COX6A1: variants seen among roughly 807,000 people sequenced by gnomAD.
COX6A1 encodes cytochrome c oxidase subunit 6A1, mitochondrial.
COX6A1 carries 10 observed loss-of-function variants against 11.3 expected under a neutral mutation model. That is an observed-to-expected ratio of 0.88 (90% confidence interval 0.54 to 1.50). The LOEUF (loss-of-function observed/expected upper bound fraction) is 1.50. Ranked by LOEUF, COX6A1 falls within the 40% of genes most tolerant of loss-of-function variation. COX6A1 has a pLI of 0.00. For synonymous variants in COX6A1, 81 were observed against 60.6 expected, an observed-to-expected ratio of 1.34 and a Z score of -1.57; for missense variants, 149 against 147.6, an observed-to-expected ratio of 1.01 and a Z score of -0.05.
chr12:120,439,068 A>G (rs2137031331), intron 2 of COX6A1, among the ~76,000 whole-genome samples: 1 of 152,114 alleles, frequency 6.6e-6, no homozygotes, highest in Non-Finnish European at 1.5e-5. Flanking sequence ...ACAACAAAAC[A>G]TGGGCATCTG....
chr12:120,438,777 C>A, intron 2 of COX6A1: 2 of 315,654 alleles, frequency 6.3e-6, no homozygotes, highest in Non-Finnish European at 1.1e-5. Context: ...CTCCTGCCTT[C>A]TGAGACAGTT....
chr12:120,440,265 C>T, intron 2 of COX6A1, 189 bp from the exon 3 acceptor site: 1 of 520,176 alleles, frequency 1.9e-6, no homozygotes, highest in East Asian at 3.2e-5. Context: ...GCCAGGATAA[C>T]TTTAAGGGCT....
At chr12:120,438,617 G>A (rs1044182511) in intron 2 of COX6A1, 96 bp downstream of exon 2, 7 of 1,535,194 alleles carry the variant, frequency 4.6e-6, no homozygotes, top group Non-Finnish European at 6.3e-6. Context: ...GGTGCCAGGC[G>A]TGTACAGCTT....
At chr12:120,438,992 C>A (rs573914498) in intron 2 of COX6A1, among the ~76,000 whole-genome samples, 3 of 152,144 alleles carry the variant, frequency 2.0e-5, no homozygotes, top group East Asian at 3.9e-4. Context: ...GAGCTGAGAT[C>A]GTGCCACTGC....
rs61739965 is a variant in COX6A1 at position 120,438,435 on chromosome 12, A to G, written c.160A>G (p.Met54Val). The G allele has an allele frequency of 6.1e-4, 978 of 1,614,190 alleles. 1 individual carries two copies. Among genetic ancestry groups the G allele is most frequent in the South Asian group, 1.2e-3 (108 of 91,088 alleles). Residue 54 changes from methionine (M) to valine (V), a missense_variant, in exon 2 of 3, where the codon ATG becomes GTG. Physicochemically the swap from Met to Val is conservative, Grantham distance 21. Transcript: ENST00000229379. Reference protein sequence around the residue: ...FVALPGVAVSMLNVYLKSHHG... With the variant: ...FVALPGVAVSVLNVYLKSHHG... The stretch of plus-strand genomic sequence containing the variant: ...CGCGCTCCCCGGGGTGGCAGTCAGC[A>G]TGCTGAATGTGTACCTGAAGTCGCA...
Position 120,440,575 on chromosome 12 carries a change from A to G in COX6A1, c.*38A>G, listed in dbSNP as rs1168713305. On this transcript the variant is annotated 3_prime_UTR_variant, in exon 3 of 3. Coordinates refer to ENST00000229379, the MANE Select transcript of COX6A1 (RefSeq NM_004373.4). ...CCACTACCCGGGCACCAGGGACCAC[A>G]GCACTGGTTTGGACCGTTACTCTGC... 6.8e-7 allele frequency: 1 copy of G among 1,466,220 alleles called. No homozygotes were observed. The highest frequency in any genetic ancestry group is 9.6e-7 in the Non-Finnish European group (1 of 1,045,884). 90.8% of individuals were successfully genotyped at this position (1,466,220 alleles called of 1,614,324 possible).
intron 2 of COX6A1, 98 bp downstream of exon 2, chr12:120,438,619 G>T (rs564771832): frequency 6.5e-7 from 1 of 1,527,032 alleles, no homozygotes; most frequent in African/African-American, 1.4e-5. Flanking sequence ...TGCCAGGCGT[G>T]TACAGCTTGT....
In COX6A1 at chr12:120,438,378, G is replaced by T; in HGVS notation, c.104-1G>T. The T allele has an allele frequency of 6.2e-7, 1 of 1,614,206 alleles. No individual in the cohort carries two copies. The highest frequency in any genetic ancestry group is 8.5e-7 in the Non-Finnish European group (1 of 1,180,040). On this transcript the variant is annotated splice_acceptor_variant, in intron 1 of 2. Coordinates refer to ENST00000229379, the MANE Select transcript of COX6A1 (RefSeq NM_004373.4). LOFTEE classifies it high-confidence loss of function. ...GCTGAACGTTTGTGGCTTCTCCGCA[G>T]CTCGCATGTGGAAGACTCTCACCTT...
intron 2 of COX6A1, chr12:120,438,739 A>C: frequency 1.9e-6 from 1 of 522,906 alleles, no homozygotes; most frequent in Non-Finnish European, 3.3e-6. Flanking sequence ...AGTGCTCTTC[A>C]GTTTCCCTTT....
intron 2 of COX6A1, chr12:120,439,924 T>C (rs1171158065): frequency 7.4e-6 from 1 of 134,986 alleles, no homozygotes; most frequent in Non-Finnish European, 1.5e-5. Flanking sequence ...TACTACCCAG[T>C]GTGCCCTGAA....
chr12:120,439,106 C>G (rs1277239153), intron 2 of COX6A1, among the ~76,000 whole-genome samples: 1 of 152,196 alleles, frequency 6.6e-6, no homozygotes, highest in Non-Finnish European at 1.5e-5. Flanking sequence ...AATGAAGAGA[C>G]TGACAGCTTT....
chr12:120,440,392 C>T, intron 2 of COX6A1, 62 bp from the exon 3 acceptor site: 1 of 1,305,874 alleles, frequency 7.7e-7, no homozygotes, highest in Non-Finnish European at 1.1e-6. Context: ...ATAAGCAGTT[C>T]ATGACGGTGT....
Position 120,440,672 on chromosome 12 carries a change from C to G in COX6A1, c.*135C>G. 1 of 600,928 alleles carries G rather than the reference C, an allele frequency of 1.7e-6. No homozygotes were observed. The highest frequency in any genetic ancestry group is 2.3e-5 in the South Asian group (1 of 44,234). The allele number at this position is 600,928 out of a possible 1,614,324, so 37.2% of individuals were successfully genotyped here. ...CTTGTATCAAATGATGACTGGTATA[C>G]TGGTCTCCCATCCCTTTGCTTGTGG... On this transcript the variant is annotated 3_prime_UTR_variant, in exon 3 of 3. Transcript: ENST00000229379.
chr12:120,438,193 C>T lies in COX6A1; in HGVS notation c.67C>T (p.Pro23Ser), dbSNP rs1877617581. The change falls in exon 1 of 3, where the codon CCT becomes TCT. Residue 23 changes from proline to serine, a missense_variant. Physicochemically the swap from Pro to Ser is moderately conservative, Grantham distance 74. Coordinates refer to ENST00000229379, the MANE Select transcript of COX6A1 (RefSeq NM_004373.4). The stretch of plus-strand genomic sequence containing the variant: ...TCGGTCCCGCCCACAGCTGGGGCGG[C>T]CTATGTCGAGTGGCGCCCATGGCGA... The part of the protein sequence containing the change: ...LGRSRPQLGR[P>S]MSSGAHGEEG... 1 of 1,613,952 alleles carries T rather than the reference C, an allele frequency of 6.2e-7. No homozygotes were observed. Among genetic ancestry groups the T allele is most frequent in the Non-Finnish European group, 8.5e-7 (1 of 1,179,964 alleles).
At position 120,438,473 on chromosome 12, in the gene COX6A1, C is replaced by T; in HGVS notation, c.198C>T (p.His66=). The T allele has an allele frequency of 1.2e-6, 2 of 1,614,140 alleles. No homozygotes were observed. Among genetic ancestry groups the T allele is most frequent in the Non-Finnish European group, 1.7e-6 (2 of 1,180,020 alleles). The change falls in exon 2 of 3, where the codon CAC becomes CAT. Residue 66 remains histidine (H), a synonymous_variant. Coordinates refer to ENST00000229379, the MANE Select transcript of COX6A1 (RefSeq NM_004373.4). The part of the protein sequence containing the change: ...NVYLKSHHGE[H]ERPEFIAYPH... ...ACCTGAAGTCGCACCACGGAGAGCACGAGAGACCCGAGTTCATCGCCTACC... is the reference window on the plus strand; with the variant it reads ...ACCTGAAGTCGCACCACGGAGAGCATGAGAGACCCGAGTTCATCGCCTACC...
rs138571094 is a variant in COX6A1, at chr12:120,438,241, G to A, written c.103+12G>A. 410 of 1,612,724 alleles carry A rather than the reference G, an allele frequency of 2.5e-4. 1 individual carries two copies. The African/African-American group carries it at 4.6e-3, about 18-fold the overall frequency. Reference sequence around the variant, plus strand: ...CGAAGAGGGCTCAGGTACTGGGGCCGGGGTCGACGGGTCGAGCCTCAGCCC... The same window carrying A: ...CGAAGAGGGCTCAGGTACTGGGGCCAGGGTCGACGGGTCGAGCCTCAGCCC... On this transcript the variant is annotated intron_variant, in intron 1 of 2. Transcript: ENST00000229379.
At chr12:120,439,396 G>T (rs1009375563) in intron 2 of COX6A1, among the ~76,000 whole-genome samples, 2 of 151,818 alleles carry the variant, frequency 1.3e-5, no homozygotes, top group Non-Finnish European at 2.9e-5. Context: ...GCGTGGTGGC[G>T]GGCGCCTGTA....
In COX6A1 at chr12:120,440,554, T is replaced by G. The variant is rs774783726; in HGVS notation, c.*17T>G. On this transcript the variant is annotated 3_prime_UTR_variant, in exon 3 of 3. Coordinates refer to ENST00000229379, the MANE Select transcript of COX6A1 (RefSeq NM_004373.4). ...GATGAATAAAGAGAATCTGGACCACTACCCGGGCACCAGGGACCACAGCAC... is the reference window on the plus strand; with the variant it reads ...GATGAATAAAGAGAATCTGGACCACGACCCGGGCACCAGGGACCACAGCAC... 5 of 1,568,024 alleles carry G rather than the reference T, an allele frequency of 3.2e-6. No individual in the cohort carries two copies. Among genetic ancestry groups the G allele is most frequent in the Non-Finnish European group, 4.4e-6 (5 of 1,138,422 alleles).
At chr12:120,440,411 A>C in intron 2 of COX6A1, 43 bp from the exon 3 acceptor site, 2 of 1,491,114 alleles carry the variant, frequency 1.3e-6, no homozygotes, top group Non-Finnish European at 1.9e-6. Flanking sequence ...GTTCTTTCTA[A>C]ATTATTTTCT....
Sources: gnomAD v4.1 joint callset for allele counts (sites outside exome capture counted in the v4.1 genomes callset) on GRCh38, gnomAD v4.1.1 for gene constraint, MANE v1.5 for transcripts, NCBI Gene and HGNC (gene_info 2026-07-23, HGNC 2026-07-21) for gene names.